Variants in SUPT5H observed in about 807,000 individuals in gnomAD.
The protein encoded by SUPT5H is transcription elongation factor SPT5.
In SUPT5H, 24 loss-of-function variants were observed where a neutral mutation model predicts 142.5. The observed-to-expected ratio is 0.17, with a 90% CI of 0.12 to 0.24. SUPT5H has a LOEUF of 0.24. Among genes scored for constraint, SUPT5H ranks in the 10% least tolerant of loss-of-function variants. The pLI, the probability that SUPT5H is intolerant of heterozygous loss-of-function variation, is 1.00. For synonymous variants in SUPT5H, 546 were observed against 553.0 expected (o/e 0.99, Z 0.18); for missense variants, 893 against 1,471.8 (o/e 0.61, Z 6.43).
Position 39,469,186 on chromosome 19 carries a change from CTCTAT to C in SUPT5H, c.1237+15_1237+19del. On this transcript the variant is annotated intron_variant, in intron 15 of 29. Transcript: ENST00000432763. This position sits in a 1 kb window ranked among gnomAD's most constrained non-coding sequence, Gnocchi z 5.1. The stretch of plus-strand genomic sequence containing the variant: ...CTGAGAGCACAGGTATTTGATCCCC[CTCTAT>C]AACCTGGGCCAAGGAGCAGGGGCGG... 6.2e-7 allele frequency: 1 copy of C among 1,614,206 alleles called. No individual in the cohort carries two copies. The highest frequency in any genetic ancestry group is 8.5e-7 in the Non-Finnish European group (1 of 1,180,034).
Position 39,453,365 on chromosome 19 carries a change from G to C in SUPT5H, c.85G>C (p.Glu29Gln). 1 of 1,603,986 alleles carries C rather than the reference G, an allele frequency of 6.2e-7. No homozygotes were observed. Among genetic ancestry groups the C allele is most frequent in the Non-Finnish European group, 8.5e-7 (1 of 1,174,816 alleles). Residue 29 changes from glutamate (E) to glutamine (Q), a missense_variant, in exon 3 of 30, where the codon GAG becomes CAG. This residue lies in a region of SUPT5H where 70 missense variants were observed against 70.5 expected (regional missense o/e 0.99). Coordinates refer to ENST00000432763, the MANE Select transcript of SUPT5H (RefSeq NM_001111020.3). ...SDGEEAEVDE[E>Q]RRSAAGSEKE... Reference sequence around the variant, plus strand: ...TGCCTGACCCCTGTAGGTAGACGAAGAGCGGCGGAGTGCAGCGGGCAGTGA... The same window carrying C: ...TGCCTGACCCCTGTAGGTAGACGAACAGCGGCGGAGTGCAGCGGGCAGTGA...
chr19:39,476,014 C>T lies in SUPT5H; in HGVS notation c.3025-67C>T, dbSNP rs1300099582. The T allele has an allele frequency of 2.1e-6, 3 of 1,446,616 alleles. No individual in the cohort carries two copies. In the African/African-American group the frequency reaches 4.2e-5, roughly 20 times the overall value. The allele number at this position is 1,446,616 out of a possible 1,614,324, so 89.6% of individuals were successfully genotyped here. A position where few individuals can be genotyped will look rare whatever the true frequency, so the allele number is the denominator to read the frequency against. ...AGAATGAGCCCTGAGCCTGTGTCCC[C>T]TGGAGTATGGGCCTCAGTCCCATGT... On this transcript the variant is annotated intron_variant, in intron 28 of 29. Transcript: ENST00000432763.
At position 39,445,632 on chromosome 19, in the gene SUPT5H, C is replaced by T. The variant is rs1398603717; in HGVS notation, c.-93C>T. 6.2e-6 allele frequency: 3 copies of T among 483,720 alleles called. No homozygotes were observed. Among genetic ancestry groups the T allele is most frequent in the Non-Finnish European group, 1.1e-5 (3 of 264,864 alleles). The allele number at this position is 483,720 out of a possible 1,614,324, so 30.0% of individuals were successfully genotyped here. On this transcript the variant is annotated 5_prime_UTR_variant, in exon 1 of 30. Transcript: ENST00000432763. ...TGGTACCGAAGGCGGAGGTGGAGCC[C>T]GAGAGGTAAGTGCGTGTGCAGAGGT...
chr19:39,474,665 A>G lies in SUPT5H; in HGVS notation c.2971A>G (p.Thr991Ala), dbSNP rs1025022963. 1.4e-5 allele frequency: 23 copies of G among 1,613,910 alleles called. No individual in the cohort carries two copies. The highest frequency in any genetic ancestry group is 2.7e-5 in the African/African-American group (2 of 74,884). Residue 991 changes from threonine (T) to alanine (A), a missense_variant, in exon 28 of 30, where the codon ACC becomes GCC. This residue lies in a region of SUPT5H where 336 missense variants were observed against 546.5 expected (regional missense o/e 0.61). Coordinates refer to ENST00000432763, the MANE Select transcript of SUPT5H (RefSeq NM_001111020.3). This position sits in a 1 kb window ranked among gnomAD's most constrained non-coding sequence, Gnocchi z 6.5. ...TGACATTCAGGTGAAGGTGCGGGAC[A>G]CCTACCTGGATACACAGGTGGTGGG... is the stretch of plus-strand genomic sequence containing the variant. Reference protein sequence around the residue: ...TTDIQVKVRDTYLDTQVVGQT... With the variant: ...TTDIQVKVRDAYLDTQVVGQT...
Position 39,473,676 on chromosome 19 carries a change from G to A in SUPT5H, c.2492+155G>A, listed in dbSNP as rs2079358175. Among the ~76,000 whole-genome samples the A allele has an allele frequency of 6.6e-6, 1 of 152,130 alleles. No homozygotes were observed. The highest frequency in any genetic ancestry group is 1.5e-5 in the Non-Finnish European group (1 of 68,006). On this transcript the variant is annotated intron_variant, in intron 25 of 29. Transcript: ENST00000432763. The surrounding 1 kb of genome is among the most constrained non-coding windows in gnomAD (Gnocchi z 5.8). Reference sequence around the variant, plus strand: ...TTTGAAGGAGGAGGCATAGCATGGCGGGGCGGGGGCAAAGCGGCCTCCTCT... The same window carrying A: ...TTTGAAGGAGGAGGCATAGCATGGCAGGGCGGGGGCAAAGCGGCCTCCTCT...
In SUPT5H at chr19:39,470,251, T is replaced by G. The variant is rs762626301; in HGVS notation, c.1507T>G (p.Phe503Val). The change falls in exon 17 of 30, where the codon TTC becomes GTC. Residue 503 changes from phenylalanine to valine, a missense_variant. Physicochemically the swap from Phe to Val is conservative, Grantham distance 50. Coordinates refer to ENST00000432763, the MANE Select transcript of SUPT5H (RefSeq NM_001111020.3). The surrounding 1 kb of genome is among the most constrained non-coding windows in gnomAD (Gnocchi z 5.8). ...VRVEENFVIL[F>V]SDLTMHELKV... ...GGTGGAGGAGAATTTCGTTATCCTGTTCTCTGACCTCACCATGCATGAGGT... is the reference window on the plus strand; with the variant it reads ...GGTGGAGGAGAATTTCGTTATCCTGGTCTCTGACCTCACCATGCATGAGGT... 1.3e-6 allele frequency: 2 copies of G among 1,581,944 alleles called. No individual in the cohort carries two copies. Among genetic ancestry groups the G allele is most frequent in the Non-Finnish European group, 1.7e-6 (2 of 1,158,716 alleles).
rs779783357 is a variant in SUPT5H at position 39,473,111 on chromosome 19, C to T, written c.2255C>T (p.Thr752Met). ...TISVDRQRLT[T>M]VGSRRPGGMT... ...TCTGTGGACCGTCAGCGGCTCACCA[C>T]GGTGTACGGGCGGGGCCTGGGGAGG... is the stretch of plus-strand genomic sequence containing the variant. Residue 752 changes from threonine to methionine, a missense_variant, in exon 23 of 30, where the codon ACG becomes ATG. Coordinates refer to ENST00000432763, the MANE Select transcript of SUPT5H (RefSeq NM_001111020.3). This position sits in a 1 kb window ranked among gnomAD's most constrained non-coding sequence, Gnocchi z 5.8. The T allele has an allele frequency of 8.7e-6, 14 of 1,612,862 alleles. No individual in the cohort carries two copies. Among genetic ancestry groups the T allele is most frequent in the East Asian group, 6.7e-5 (3 of 44,878 alleles).
At position 39,472,147 on chromosome 19, in the gene SUPT5H, A is replaced by G. The variant is rs1255459791; in HGVS notation, c.1951-262A>G. 1.3e-5 allele frequency among the ~76,000 whole-genome samples: 2 copies of G among 152,198 alleles called. No homozygotes were observed. Among genetic ancestry groups the G allele is most frequent in the African/African-American group, 4.8e-5 (2 of 41,438 alleles). On this transcript the variant is annotated intron_variant, in intron 20 of 29. Transcript: ENST00000432763. This position sits in a 1 kb window ranked among gnomAD's most constrained non-coding sequence, Gnocchi z 4.2. ...TGTTTTAGACAGAGGAGGGTAAAAA[A>G]GGCCTCAGTGGGAGGCAGTATTGGA...
At chr19:39,453,001 G>T (rs1218986943) in intron 2 of SUPT5H, among the ~76,000 whole-genome samples, 1 of 132,868 alleles carries the variant, frequency 7.5e-6, no homozygotes. Flanking sequence ...AGACAGAGTG[G>T]GACTCTGTCT....
At chr19:39,460,987 T>G (rs1248803946) in intron 10 of SUPT5H, among the ~76,000 whole-genome samples, 1 of 152,052 alleles carries the variant, frequency 6.6e-6, no homozygotes, top group Non-Finnish European at 1.5e-5. Context: ...TCAAATGTCC[T>G]CCTCAAAGGC....
chr19:39,473,725 T>G lies in SUPT5H; in HGVS notation c.2492+204T>G, dbSNP rs1343587439. Among the ~76,000 whole-genome samples the G allele has an allele frequency of 6.6e-6, 1 of 152,112 alleles. No homozygotes were observed. The highest frequency in any genetic ancestry group is 1.9e-4 in the East Asian group (1 of 5,182). On this transcript the variant is annotated intron_variant, in intron 25 of 29. Transcript: ENST00000432763. The surrounding 1 kb of genome is among the most constrained non-coding windows in gnomAD (Gnocchi z 5.8). ...CTCCATCCCCAACCTCAGTAGTGAT[T>G]GTGGTTACCCTTGGGCCTGGAGAAA... is the stretch of plus-strand genomic sequence containing the variant.
At chr19:39,462,861 A>G (rs1227552246) in intron 10 of SUPT5H, among the ~76,000 whole-genome samples, 2 of 84,540 alleles carry the variant, frequency 2.4e-5, no homozygotes, top group South Asian at 4.2e-4. Flanking sequence ...TTTTTTTGAG[A>G]CAGAGTCTCG....
chr19:39,450,065 A>G (rs898538322), intron 2 of SUPT5H, among the ~76,000 whole-genome samples: 5 of 151,640 alleles, frequency 3.3e-5, no homozygotes, highest in East Asian at 1.9e-4. Flanking sequence ...CAGCCTCCCA[A>G]TGAACTGGGA....
chr19:39,451,996 T>C (rs1048288386), intron 2 of SUPT5H, among the ~76,000 whole-genome samples: 2 of 151,426 alleles, frequency 1.3e-5, no homozygotes, highest in African/African-American at 4.9e-5. Flanking sequence ...GCCAGGAGAG[T>C]AGGGAGGAGG....
intron 11 of SUPT5H, among the ~76,000 whole-genome samples, chr19:39,465,703 A>G (rs778886368): frequency 6.6e-6 from 1 of 152,198 alleles, no homozygotes; most frequent in Non-Finnish European, 1.5e-5. Flanking sequence ...CAAAAAGTCA[A>G]TAGTGCCAAG....
chr19:39,455,271 T>A (rs546971067), intron 3 of SUPT5H, among the ~76,000 whole-genome samples: 15 of 152,100 alleles, frequency 9.9e-5, no homozygotes, highest in African/African-American at 3.1e-4. Context: ...GTTAAAAAAA[T>A]TACGTGGGGG....
In SUPT5H at chr19:39,458,335, C is replaced by T. The variant is rs368101748; in HGVS notation, c.319+30C>T. On this transcript the variant is annotated intron_variant, in intron 5 of 29. Coordinates refer to ENST00000432763, the MANE Select transcript of SUPT5H (RefSeq NM_001111020.3). This position sits in a 1 kb window ranked among gnomAD's most constrained non-coding sequence, Gnocchi z 4.2. ...GAATATGAAAAGTGTGATTCCCTGACCTTCCTCCCATATCCTGACATTTCC... is the reference window on the plus strand; with the variant it reads ...GAATATGAAAAGTGTGATTCCCTGATCTTCCTCCCATATCCTGACATTTCC... The T allele has an allele frequency of 7.5e-5, 110 of 1,470,598 alleles. No individual in the cohort carries two copies. The African/African-American group carries it at 1.3e-3, about 18-fold the overall frequency. 91.1% of individuals were successfully genotyped at this position (1,470,598 alleles called of 1,614,324 possible). A position where few individuals can be genotyped will look rare whatever the true frequency, so the allele number is the denominator to read the frequency against.
intron 2 of SUPT5H, among the ~76,000 whole-genome samples, chr19:39,449,725 T>A (rs2078997306): frequency 6.6e-6 from 1 of 150,800 alleles, no homozygotes; most frequent in Non-Finnish European, 1.5e-5. Context: ...CACTGCAGCC[T>A]CCACCTCACG....
At chr19:39,462,387 C>T (rs2079174364) in intron 10 of SUPT5H, among the ~76,000 whole-genome samples, 1 of 152,118 alleles carries the variant, frequency 6.6e-6, no homozygotes, top group African/African-American at 2.4e-5. Flanking sequence ...ATGAATCTAC[C>T]TTCTTTCTCT....
Sources: allele counts gnomAD v4.1 joint callset (sites outside exome capture counted in the v4.1 genomes callset), GRCh38; gene constraint gnomAD v4.1.1; regional missense constraint gnomAD v4.1.1; non-coding constraint Gnocchi (gnomAD v3.1); transcripts MANE v1.5; gene names NCBI Gene and HGNC (gene_info 2026-07-23, HGNC 2026-07-21).